CKS2: variants seen among roughly 807,000 people sequenced by gnomAD.
CKS2 encodes the protein cyclin-dependent kinases regulatory subunit 2.
In CKS2, 4 loss-of-function variants were observed where a neutral mutation model predicts 14.3. That is an observed-to-expected ratio of 0.28 (90% CI 0.14 to 0.64). The LOEUF is 0.64. Among genes scored for constraint, CKS2 ranks in the 30% least tolerant of loss-of-function variants. The pLI is 0.83. For missense variants in CKS2, 71 were observed against 94.3 expected, an observed-to-expected ratio of 0.75 and a Z score of 1.02; for synonymous variants, 33 against 28.7, an observed-to-expected ratio of 1.15 and a Z score of -0.48.
intron 2 of CKS2, 115 bp downstream of exon 2, chr9:89,315,412 A>G (rs1023544461): frequency 6.3e-6 from 6 of 958,066 alleles, no homozygotes; most frequent in East Asian, 6.4e-5. Flanking sequence ...AACTGTTCTG[A>G]TAAGTTTTTT....
rs563127195 is a variant in CKS2, at chr9:89,311,228, C to A, written c.-65C>A. ...CCGGCGAGTTGTTGCCTGGGCTGGACGTGGTTTTGTCTGCTGCGCCCGCTC... is the reference window on the plus strand; with the variant it reads ...CCGGCGAGTTGTTGCCTGGGCTGGAAGTGGTTTTGTCTGCTGCGCCCGCTC... On this transcript the variant is annotated 5_prime_UTR_variant, in exon 1 of 3. Coordinates refer to ENST00000314355, the MANE Select transcript of CKS2 (RefSeq NM_001827.3). 8 of 1,361,236 alleles carry A rather than the reference C, an allele frequency of 5.9e-6. No individual in the cohort carries two copies. Among genetic ancestry groups the A allele is most frequent in the East Asian group, 2.4e-5 (1 of 41,890 alleles). 84.3% of individuals were successfully genotyped at this position (1,361,236 alleles called of 1,614,324 possible). A position where few individuals can be genotyped will look rare whatever the true frequency, so the allele number is the denominator to read the frequency against.
intron 1 of CKS2, among the ~76,000 whole-genome samples, chr9:89,311,784 C>G (rs1048438688): frequency 1.3e-5 from 2 of 152,292 alleles, no homozygotes; most frequent in African/African-American, 2.4e-5. Flanking sequence ...CACCTGGTGC[C>G]GTCCTTTTTC....
chr9:89,313,182 G>A (rs1824651156), intron 1 of CKS2, among the ~76,000 whole-genome samples: 1 of 152,212 alleles, frequency 6.6e-6, no homozygotes, highest in African/African-American at 2.4e-5. Context: ...TGAGTCTAGG[G>A]TGGTTTGTAT....
rs756439975 is a variant in CKS2 at position 89,316,424 on chromosome 9, G to A, written c.239G>A (p.Ter80=). The A allele has an allele frequency of 6.3e-7, 1 of 1,578,640 alleles. No individual in the cohort carries two copies. Among genetic ancestry groups the A allele is most frequent in the East Asian group, 2.2e-5 (1 of 44,652 alleles). The change falls in exon 3 of 3, where the codon TGA becomes TAA. Residue 80 remains the stop codon, a stop_retained_variant. Coordinates refer to ENST00000314355, the MANE Select transcript of CKS2 (RefSeq NM_001827.3). ...RRPLPKDQQK[*] ...CCTCTTCCAAAAGATCAACAAAAAT[G>A]AAGTTTATCTGGGGATCGTCAAATC...
intron 1 of CKS2, among the ~76,000 whole-genome samples, chr9:89,313,757 G>A (rs1824660398): frequency 6.6e-6 from 1 of 152,352 alleles, no homozygotes; most frequent in Non-Finnish European, 1.5e-5. Flanking sequence ...GTAGAAATAA[G>A]ATAACAGATT....
intron 1 of CKS2, among the ~76,000 whole-genome samples, chr9:89,313,331 AT>A (rs1824653315): frequency 1.3e-5 from 2 of 152,194 alleles, no homozygotes; most frequent in Admixed American, 6.5e-5. Flanking sequence ...GAGGGTCTTA[AT>A]GTTTCTAAGG....
rs182382813 is a variant in CKS2, at chr9:89,312,899, G to A, written c.59+1548G>A. Among the ~76,000 whole-genome samples the A allele has an allele frequency of 3.3e-5, 5 of 152,276 alleles. No individual in the cohort carries two copies. In the East Asian group the frequency reaches 7.7e-4, roughly 23 times the overall value. On this transcript the variant is annotated intron_variant, in intron 1 of 2. Transcript: ENST00000314355. ...GATAAGGATTTAAGGGTCGGTACAA[G>A]TTTCTTTTAGGGTATAATATTGAAA...
intron 1 of CKS2, among the ~76,000 whole-genome samples, chr9:89,312,527 C>G (rs1264492956): frequency 6.6e-6 from 1 of 152,106 alleles, no homozygotes; most frequent in Non-Finnish European, 1.5e-5. Context: ...GAAGAAAGAA[C>G]AAAACAGTGG....
chr9:89,311,225 G>T lies in CKS2; in HGVS notation c.-68G>T, dbSNP rs543490628. On this transcript the variant is annotated 5_prime_UTR_variant, in exon 1 of 3. Transcript: ENST00000314355. ...TCTCCGGCGAGTTGTTGCCTGGGCT[G>T]GACGTGGTTTTGTCTGCTGCGCCCG... 2 of 1,332,476 alleles carry T rather than the reference G, an allele frequency of 1.5e-6. No homozygotes were observed. The highest frequency in any genetic ancestry group is 2.4e-5 in the East Asian group (1 of 41,518). 82.5% of individuals were successfully genotyped at this position (1,332,476 alleles called of 1,614,324 possible). A position where few individuals can be genotyped will look rare whatever the true frequency, so the allele number is the denominator to read the frequency against.
intron 1 of CKS2, 144 bp downstream of exon 1, chr9:89,311,495 G>A: frequency 3.6e-6 from 2 of 553,452 alleles, no homozygotes; most frequent in South Asian, 3.2e-5. Flanking sequence ...CGGGGTTTGG[G>A]GTCGCGGCCA....
chr9:89,315,344 GTGGTTA>G (rs1254743919), intron 2 of CKS2, 47 bp downstream of exon 2: 3 of 1,433,206 alleles, frequency 2.1e-6, no homozygotes, highest in African/African-American at 1.5e-5. Context: ...TGAAATATTG[GTGGTTA>G]TGGTTGTCAA....
rs775754220 is a variant in CKS2 at position 89,311,256 on chromosome 9, C to A, written c.-37C>A. ...GGTTTTGTCTGCTGCGCCCGCTCTT[C>A]GCGCTCTCGTTTCATTTTCTGCAGC... On this transcript the variant is annotated 5_prime_UTR_variant, in exon 1 of 3. Transcript: ENST00000314355. The A allele has an allele frequency of 3.1e-6, 5 of 1,591,758 alleles. No homozygotes were observed. The highest frequency in any genetic ancestry group is 4.3e-6 in the Non-Finnish European group (5 of 1,163,422).
rs1164680983 is a variant in CKS2 at position 89,315,247 on chromosome 9, T to C, written c.137T>C (p.Leu46Pro). 6.2e-7 allele frequency: 1 copy of C among 1,611,908 alleles called. No individual in the cohort carries two copies. The highest frequency in any genetic ancestry group is 8.5e-7 in the Non-Finnish European group (1 of 1,178,832). The change falls in exon 2 of 3, where the codon CTT becomes CCT. Residue 46 changes from leucine to proline, a missense_variant. Physicochemically the swap from Leu to Pro is moderately conservative, Grantham distance 98. Transcript: ENST00000314355. The part of the protein sequence containing the change: ...HLMSEEEWRR[L>P]GVQQSLGWVH... ...ATGTCTGAAGAGGAGTGGAGGAGAC[T>C]TGGTGTCCAACAGAGTCTAGGCTGG...
intron 1 of CKS2, among the ~76,000 whole-genome samples, chr9:89,313,164 C>G (rs1824650801): frequency 6.6e-6 from 1 of 152,214 alleles, no homozygotes; most frequent in Non-Finnish European, 1.5e-5. Context: ...TAATATAGCA[C>G]TAAGGCATGA....
At chr9:89,313,502 T>A (rs1824655920) in intron 1 of CKS2, among the ~76,000 whole-genome samples, 1 of 152,246 alleles carries the variant, frequency 6.6e-6, no homozygotes, top group African/African-American at 2.4e-5. Context: ...TTTCCTTACA[T>A]GTAGTTAGTT....
At chr9:89,315,318 G>T in intron 2 of CKS2, 21 bp downstream of exon 2, 1 of 1,517,036 alleles carries the variant, frequency 6.6e-7, no homozygotes, top group Non-Finnish European at 8.9e-7. Context: ...CTATGTTATA[G>T]TAAAGCAGTA....
chr9:89,312,973 T>G (rs1427409981), intron 1 of CKS2, among the ~76,000 whole-genome samples: 1 of 152,234 alleles, frequency 6.6e-6, no homozygotes, highest in Non-Finnish European at 1.5e-5. Flanking sequence ...GTAGGTCGAT[T>G]TTTTAGTTTT....
intron 1 of CKS2, among the ~76,000 whole-genome samples, chr9:89,314,431 G>A (rs1198280154): frequency 6.6e-6 from 1 of 152,178 alleles, no homozygotes; most frequent in African/African-American, 2.4e-5. Flanking sequence ...ATATAGGTCA[G>A]TAAATTAACT....
chr9:89,316,350 T>C (rs1299684394), intron 2 of CKS2, 23 bp from the exon 3 acceptor site: 2 of 1,485,426 alleles, frequency 1.3e-6, no homozygotes, highest in Admixed American at 1.7e-5. Flanking sequence ...ATTAAAATGA[T>C]TCAAAACATT....
Sources: gnomAD v4.1 joint callset for allele counts (sites outside exome capture counted in the v4.1 genomes callset) on GRCh38, gnomAD v4.1.1 for gene constraint, MANE v1.5 for transcripts, NCBI Gene and HGNC (gene_info 2026-07-23, HGNC 2026-07-21) for gene names.